PPARGC1A: variants seen among roughly 807,000 people sequenced by gnomAD.
The protein encoded by PPARGC1A is peroxisome proliferator-activated receptor gamma coactivator 1-alpha.
Under a neutral mutation model 88.7 loss-of-function variants are expected in PPARGC1A, and 25 were observed. The ratio of observed to expected loss-of-function variants is 0.28; its 90% CI spans 0.21 to 0.39. The LOEUF (loss-of-function observed/expected upper bound fraction) is 0.39, where lower values mean the gene tolerates loss of function less well. Among genes scored for constraint, PPARGC1A ranks in the 10% least tolerant of loss-of-function variants. The pLI is 1.00. For missense variants in PPARGC1A, 880 were observed against 968.7 expected (o/e 0.91, Z 1.22); for synonymous variants, 363 against 355.6 (o/e 1.02, Z -0.24).
chr4:24,054,501 T>C, the PPARGC1A span, among the ~76,000 whole-genome samples: 4 of 152,252 alleles, frequency 2.6e-5, no homozygotes, highest in African/African-American at 9.6e-5. Context: ...TATTTTCTTC[T>C]CTTTGTCACT....
At chr4:24,439,090 T>C in the PPARGC1A span, among the ~76,000 whole-genome samples, 1 of 152,080 alleles carries the variant, frequency 6.6e-6, no homozygotes, top group African/African-American at 2.4e-5. Context: ...CCCCACAGCT[T>C]TGCGACCCCC....
the PPARGC1A span, among the ~76,000 whole-genome samples, chr4:24,005,359 A>G: frequency 6.6e-6 from 1 of 152,218 alleles, no homozygotes; most frequent in South Asian, 2.1e-4. Context: ...GGCATGGTTA[A>G]GAATGAAAGT....
the PPARGC1A span, among the ~76,000 whole-genome samples, chr4:24,343,543 G>T: frequency 7.9e-5 from 12 of 152,110 alleles, no homozygotes; most frequent in Non-Finnish European, 1.5e-4. Flanking sequence ...GATTTCTGAG[G>T]CTCCAGAACT....
the PPARGC1A span, among the ~76,000 whole-genome samples, chr4:24,199,132 C>A: frequency 1.2e-3 from 181 of 152,250 alleles, no homozygotes; most frequent in Admixed American, 2.1e-3. Flanking sequence ...CATTCCCACC[C>A]CATACACGTA....
chr4:24,124,680 T>TTC, the PPARGC1A span, among the ~76,000 whole-genome samples: 5 of 151,848 alleles, frequency 3.3e-5, no homozygotes, highest in Non-Finnish European at 5.9e-5. Flanking sequence ...TTTTTTTTTT[T>TTC]AGGAAGGAGA....
At chr4:24,433,846 G>A in the PPARGC1A span, among the ~76,000 whole-genome samples, 1 of 152,114 alleles carries the variant, frequency 6.6e-6, no homozygotes, top group Non-Finnish European at 1.5e-5. Context: ...AAGCTATTAA[G>A]TCTCCTCAAC....
intron 2 of PPARGC1A, among the ~76,000 whole-genome samples, chr4:23,844,631 AATAATATATATCATATTAT>A: frequency 2.0e-5 from 1 of 50,270 alleles, no homozygotes; most frequent in Non-Finnish European, 3.2e-5. Flanking sequence ...ATTAATATAT[AATAATATATATCATATTAT>A]ATGATATATA....
At chr4:23,979,675 G>A in the PPARGC1A span, among the ~76,000 whole-genome samples, 1 of 152,184 alleles carries the variant, frequency 6.6e-6, no homozygotes, top group South Asian at 2.1e-4. Flanking sequence ...CCTGCGGGGG[G>A]GACAAGAAGC....
At chr4:24,139,597 C>T in the PPARGC1A span, among the ~76,000 whole-genome samples, 2 of 152,012 alleles carry the variant, frequency 1.3e-5, no homozygotes, top group African/African-American at 4.8e-5. Flanking sequence ...GTGAGAAATC[C>T]GCAGAATCTC....
At chr4:24,109,654 AC>A in the PPARGC1A span, among the ~76,000 whole-genome samples, 1 of 152,132 alleles carries the variant, frequency 6.6e-6, no homozygotes, top group Non-Finnish European at 1.5e-5. Context: ...CATATTTAAA[AC>A]TCACTGTTCA....
chr4:24,394,948 T>A, the PPARGC1A span, among the ~76,000 whole-genome samples: 1 of 152,198 alleles, frequency 6.6e-6, no homozygotes, highest in South Asian at 2.1e-4. Flanking sequence ...TCAAAAACAA[T>A]GAAAAAGCAT....
the PPARGC1A span, among the ~76,000 whole-genome samples, chr4:24,035,977 C>T: frequency 6.6e-6 from 1 of 152,222 alleles, no homozygotes; most frequent in South Asian, 2.1e-4. Flanking sequence ...CCATAACTGC[C>T]CCTCTTGGAT....
chr4:24,265,119 C>G, the PPARGC1A span, among the ~76,000 whole-genome samples: 63,938 of 151,976 alleles, frequency 0.42, 14,539 homozygotes, highest in Non-Finnish European at 0.51. Context: ...ATGGAAAAGA[C>G]TTTGGGAAAT....
At chr4:24,048,536 A>C in the PPARGC1A span, among the ~76,000 whole-genome samples, 2 of 152,178 alleles carry the variant, frequency 1.3e-5, no homozygotes, top group African/African-American at 4.8e-5. Context: ...CTCAAGAATG[A>C]TGAATGTAAG....
chr4:24,457,275 G>A, the PPARGC1A span, among the ~76,000 whole-genome samples: 2 of 152,020 alleles, frequency 1.3e-5, no homozygotes, highest in Non-Finnish European at 2.9e-5. Flanking sequence ...TTAATGAACC[G>A]GGGTCCAAAG....
At chr4:24,288,433 G>A in the PPARGC1A span, among the ~76,000 whole-genome samples, 10 of 152,262 alleles carry the variant, frequency 6.6e-5, no homozygotes, top group Middle Eastern at 3.4e-3. Flanking sequence ...ACAGGCATCC[G>A]AAACCAATTA....
chr4:23,928,771 A>AAAAAAAAAAAAC, the PPARGC1A span, among the ~76,000 whole-genome samples: 7 of 2,336 alleles, frequency 3.0e-3, no homozygotes, highest in South Asian at 0.024. Context: ...CAAAAAAAAC[A>AAAAAAAAAAAAC]AAAAAAAACA....
chr4:24,065,523 T>C, the PPARGC1A span, among the ~76,000 whole-genome samples: 1,052 of 152,250 alleles, frequency 6.9e-3, 39 homozygotes, highest in East Asian at 0.13. Flanking sequence ...ATAGAATTCA[T>C]ACCTTGCTTC....
chr4:24,320,095 T>C, the PPARGC1A span, among the ~76,000 whole-genome samples: 1 of 152,192 alleles, frequency 6.6e-6, no homozygotes, highest in African/African-American at 2.4e-5. Flanking sequence ...AAAAGAATAC[T>C]AGAGAGATTT....
Sources: allele counts gnomAD v4.1 joint callset (sites outside exome capture counted in the v4.1 genomes callset), GRCh38; gene constraint gnomAD v4.1.1; transcripts MANE v1.5; gene names NCBI Gene and HGNC (gene_info 2026-07-23, HGNC 2026-07-21).